Variants in HAPLN1 observed in about 807,000 individuals in gnomAD.
HAPLN1 encodes the protein hyaluronan and proteoglycan link protein 1.
In HAPLN1, 13 loss-of-function variants were observed where a neutral mutation model predicts 36.5. The observed-to-expected ratio is 0.36, with a 90% CI of 0.23 to 0.57. The LOEUF (loss-of-function observed/expected upper bound fraction) is 0.57, where lower values mean the gene tolerates loss of function less well. HAPLN1 is among the 20% of genes least tolerant of loss of function. The probability of loss-of-function intolerance (pLI) is 0.83; values close to 1 mark genes in which losing one functional copy is unlikely to be tolerated. For synonymous variants in HAPLN1, 202 were observed against 169.8 expected, an observed-to-expected ratio of 1.19 and a Z score of -1.48; for missense variants, 407 against 439.7, an observed-to-expected ratio of 0.93 and a Z score of 0.66.
At chr5:83,678,983 A>G (rs969425) in intron 1 of HAPLN1, among the ~76,000 whole-genome samples, 43,239 of 151,886 alleles carry the variant, frequency 0.28, 6,624 homozygotes, top group East Asian at 0.41. Flanking sequence ...GGTGTGGAGA[A>G]AAAGATCCAG....
intron 1 of HAPLN1, among the ~76,000 whole-genome samples, chr5:83,715,774 A>T (rs1561327747): frequency 6.6e-6 from 1 of 152,152 alleles, no homozygotes; most frequent in Non-Finnish European, 1.5e-5. Flanking sequence ...GCTGTTATCC[A>T]CTCAGCTCAG....
chr5:83,670,726 G>A (rs929143276), intron 2 of HAPLN1, among the ~76,000 whole-genome samples: 6 of 150,178 alleles, frequency 4.0e-5, no homozygotes, highest in Admixed American at 2.7e-4. Context: ...ATGGAGTCTC[G>A]CTCTGTTGCC....
At chr5:83,652,209 G>A (rs973433425) in intron 3 of HAPLN1, 2 of 426,858 alleles carry the variant, frequency 4.7e-6, no homozygotes, top group East Asian at 3.3e-5. Context: ...TGTTAATTCA[G>A]TTCCACTGCA....
chr5:83,654,909 A>G (rs2112570419), intron 2 of HAPLN1, among the ~76,000 whole-genome samples: 1 of 152,326 alleles, frequency 6.6e-6, no homozygotes, highest in Admixed American at 6.5e-5. Flanking sequence ...ACTATTACCT[A>G]CAATATACAA....
chr5:83,659,518 T>C (rs915511597), intron 2 of HAPLN1, among the ~76,000 whole-genome samples: 2 of 152,068 alleles, frequency 1.3e-5, no homozygotes, highest in Non-Finnish European at 2.9e-5. Flanking sequence ...GATTTTCACA[T>C]GTACACTTCC....
intron 2 of HAPLN1, among the ~76,000 whole-genome samples, chr5:83,653,416 G>T (rs1750130409): frequency 6.6e-6 from 1 of 152,066 alleles, no homozygotes. Flanking sequence ...AAATATTTCA[G>T]GAAATATGTA....
intron 1 of HAPLN1, among the ~76,000 whole-genome samples, chr5:83,719,689 C>T (rs1263228796): frequency 6.6e-6 from 1 of 152,014 alleles, no homozygotes; most frequent in Non-Finnish European, 1.5e-5. Context: ...AACAATATTC[C>T]CATTCCATTA....
intron 3 of HAPLN1, 139 bp downstream of exon 3, chr5:83,652,314 T>A: frequency 1.2e-6 from 1 of 804,584 alleles, no homozygotes; most frequent in Non-Finnish European, 2.0e-6. Context: ...GACTGTAGAA[T>A]ACAAAAGAAT....
At chr5:83,674,785 C>T (rs1447687680) in intron 1 of HAPLN1, 1 of 152,146 alleles carries the variant, frequency 6.6e-6, no homozygotes, top group Non-Finnish European at 1.5e-5. Flanking sequence ...TGTAGGAGAG[C>T]CTCTACTCCA....
At chr5:83,698,459 C>G (rs1024641055) in intron 1 of HAPLN1, among the ~76,000 whole-genome samples, 1 of 151,906 alleles carries the variant, frequency 6.6e-6, no homozygotes, top group Non-Finnish European at 1.5e-5. Flanking sequence ...AAAAAATTTC[C>G]CTGTATTTTG....
At chr5:83,714,227 A>G (rs1318561134) in intron 1 of HAPLN1, among the ~76,000 whole-genome samples, 1 of 152,146 alleles carries the variant, frequency 6.6e-6, no homozygotes, top group Non-Finnish European at 1.5e-5. Flanking sequence ...AAAGACACGA[A>G]AGGAAATCAC....
chr5:83,654,006 G>A (rs2112569267), intron 2 of HAPLN1, among the ~76,000 whole-genome samples: 1 of 152,178 alleles, frequency 6.6e-6, no homozygotes, highest in Non-Finnish European at 1.5e-5. Context: ...GGGCAGATAG[G>A]TGTTGAATAA....
intron 1 of HAPLN1, among the ~76,000 whole-genome samples, chr5:83,681,866 T>C (rs1447785978): frequency 6.6e-6 from 1 of 152,194 alleles, no homozygotes; most frequent in African/African-American, 2.4e-5. Context: ...TGCTTTTAAA[T>C]GTAGGTTATA....
chr5:83,686,162 AAAG>A (rs1282944767), intron 1 of HAPLN1: 7 of 151,160 alleles, frequency 4.6e-5, no homozygotes, highest in African/African-American at 1.5e-4. Context: ...AAAAAAAAAA[AAAG>A]AAATGTCAAG....
intron 1 of HAPLN1, among the ~76,000 whole-genome samples, chr5:83,685,383 C>A (rs748045758): frequency 1.3e-5 from 2 of 152,170 alleles, no homozygotes; most frequent in African/African-American, 2.4e-5. Context: ...ACCTGCACAA[C>A]CGTATGCTGC....
chr5:83,666,701 T>C (rs1580135403), intron 2 of HAPLN1, among the ~76,000 whole-genome samples: 1 of 152,296 alleles, frequency 6.6e-6, no homozygotes, highest in South Asian at 2.1e-4. Context: ...AATAATAAGC[T>C]CTTTTAGTTT....
At position 83,641,403 on chromosome 5, in the gene HAPLN1, GT is replaced by G; in HGVS notation, c.*92del. 2 of 1,196,278 alleles carry G rather than the reference GT, an allele frequency of 1.7e-6. No individual in the cohort carries two copies. The highest frequency in any genetic ancestry group is 1.2e-6 in the Non-Finnish European group (1 of 857,754). The allele number at this position is 1,196,278 out of a possible 1,614,324, so 74.1% of individuals were successfully genotyped here. A position where few individuals can be genotyped will look rare whatever the true frequency, so the allele number is the denominator to read the frequency against. ...CAGTAAGTAAAAAAGGGTTATCACA[GT>G]TTTGGTAACTTGCATGAGTTCATAT... On this transcript the variant is annotated 3_prime_UTR_variant, in exon 5 of 5. Transcript: ENST00000274341.
intron 4 of HAPLN1, among the ~76,000 whole-genome samples, chr5:83,643,921 C>G (rs1461847238): frequency 6.6e-6 from 1 of 152,212 alleles, no homozygotes; most frequent in Non-Finnish European, 1.5e-5. Flanking sequence ...CTTGCTTACT[C>G]CCCACTTTGT....
At chr5:83,649,965 A>G (rs1750006936) in intron 3 of HAPLN1, among the ~76,000 whole-genome samples, 1 of 152,256 alleles carries the variant, frequency 6.6e-6, no homozygotes, top group Non-Finnish European at 1.5e-5. Flanking sequence ...GATCAGAGCT[A>G]TAATGGAAGT....
Sources: allele counts gnomAD v4.1 joint callset (sites outside exome capture counted in the v4.1 genomes callset), GRCh38; gene constraint gnomAD v4.1.1; transcripts MANE v1.5; gene names NCBI Gene and HGNC (gene_info 2026-07-23, HGNC 2026-07-21).